Variants in NID1 observed in about 807,000 individuals in gnomAD.
NID1 encodes the protein nidogen-1.
A neutral mutation model predicts 130.6 loss-of-function variants in NID1; 76 were observed. That is an observed-to-expected ratio of 0.58 (90% CI 0.48 to 0.70). The LOEUF is 0.70. Among genes scored for constraint, NID1 ranks in the 30% least tolerant of loss-of-function variants. The pLI is 0.00. For missense variants in NID1, 1,517 were observed against 1,664.8 expected (o/e 0.91, Z 1.54); for synonymous variants, 665 against 675.1 (o/e 0.98, Z 0.23).
chr1:236,015,813 A>C (rs1658579347), intron 10 of NID1, among the ~76,000 whole-genome samples: 1 of 152,018 alleles, frequency 6.6e-6, no homozygotes, highest in South Asian at 2.1e-4. Flanking sequence ...ACAGACGAGG[A>C]ACTGAGCCCC....
chr1:236,028,822 G>GT (rs1171167193), intron 7 of NID1, among the ~76,000 whole-genome samples: 2 of 151,984 alleles, frequency 1.3e-5, no homozygotes, highest in Non-Finnish European at 2.9e-5. Flanking sequence ...CAGTTTTCAC[G>GT]TAAGTTTGAT....
chr1:236,021,464 A>G lies in NID1; in HGVS notation c.2128+2606T>C, dbSNP rs552228415. On this transcript the variant is annotated intron_variant, in intron 9 of 19. Transcript: ENST00000264187. The stretch of plus-strand genomic sequence containing the variant: ...ACACCCTGACAGGCACCTTGCATGA[A>G]AGGTTCACTATGAAGCCAACACCGC... Among the ~76,000 whole-genome samples the G allele has an allele frequency of 2.0e-4, 31 of 152,312 alleles. No individual in the cohort carries two copies. The East Asian group carries it at 6.0e-3, about 29-fold the overall frequency.
At chr1:236,058,935 T>C (rs551135442) in intron 1 of NID1, among the ~76,000 whole-genome samples, 7 of 152,302 alleles carry the variant, frequency 4.6e-5, no homozygotes, top group African/African-American at 1.4e-4. Flanking sequence ...TAATTTAACA[T>C]AAAGAGTGGA....
At chr1:236,024,022 T>A in intron 9 of NID1, 48 bp downstream of exon 9, 1 of 1,606,984 alleles carries the variant, frequency 6.2e-7, no homozygotes, top group Non-Finnish European at 8.5e-7. Flanking sequence ...GGATGCCTCC[T>A]CCTCGCCTGA....
At chr1:236,018,753 A>T (rs1456965509) in intron 9 of NID1, among the ~76,000 whole-genome samples, 1 of 152,224 alleles carries the variant, frequency 6.6e-6, no homozygotes, top group East Asian at 1.9e-4. Context: ...ACAAATTTAG[A>T]CATGTTTTAG....
chr1:236,040,103 G>C (rs1247380023), intron 4 of NID1, among the ~76,000 whole-genome samples: 1 of 152,130 alleles, frequency 6.6e-6, no homozygotes, highest in African/African-American at 2.4e-5. Flanking sequence ...AAATGTGATG[G>C]CTTCACAAAT....
In NID1 at chr1:235,993,648, G is replaced by C; in HGVS notation, c.2752C>G (p.Pro918Ala). 1.9e-6 allele frequency: 3 copies of C among 1,545,312 alleles called. No individual in the cohort carries two copies. Among genetic ancestry groups the C allele is most frequent in the Non-Finnish European group, 2.6e-6 (3 of 1,138,448 alleles). Reference sequence around the variant, plus strand: ...AGCACGGCCTGCACCCACTTACACGGGGGCGTCATCCCGGGCCTGGTCCTG... The same window carrying C: ...AGCACGGCCTGCACCCACTTACACGCGGGCGTCATCCCGGGCCTGGTCCTG... ...GTRTRPGMTP[P>A]CLSTVAPPIH... Residue 918 changes from proline to alanine, a missense_variant, in exon 13 of 20, where the codon CCG becomes GCG. Coordinates refer to ENST00000264187, the MANE Select transcript of NID1 (RefSeq NM_002508.3).
chr1:236,038,057 C>G, intron 5 of NID1, 47 bp downstream of exon 5: 1 of 1,560,320 alleles, frequency 6.4e-7, no homozygotes, highest in Non-Finnish European at 8.7e-7. Context: ...AACAAAAACT[C>G]CGCTCCTCCT....
chr1:235,985,414 AG>A lies in NID1; in HGVS notation c.3019del (p.Leu1007TyrfsTer39). 1 of 1,614,120 alleles carries A rather than the reference AG, an allele frequency of 6.2e-7. No homozygotes were observed. The highest frequency in any genetic ancestry group is 8.5e-7 in the Non-Finnish European group (1 of 1,179,990). On this transcript the variant is annotated frameshift_variant, in exon 15 of 20. Coordinates refer to ENST00000264187, the MANE Select transcript of NID1 (RefSeq NM_002508.3). LOFTEE classifies it high-confidence loss of function. ...ITEPSIGRAS[L>X]HGGEPTTIIR... Reference sequence around the variant, plus strand: ...GATGGTGGTTGGCTCTCCACCATGTAGACTAGCTCTCCCAATGGAAGGCTCA... The same window carrying A: ...GATGGTGGTTGGCTCTCCACCATGTAACTAGCTCTCCCAATGGAAGGCTCA...
rs58901374 is a variant in NID1, at chr1:235,978,371, G to A, written c.3623-383C>T. On this transcript the variant is annotated intron_variant, in intron 19 of 19. Coordinates refer to ENST00000264187, the MANE Select transcript of NID1 (RefSeq NM_002508.3). ...CTGACAGAAGAAGATGAGGGAAGCTGAGAAGGAAAGTGGGTGAGGGGAGAG... is the reference window on the plus strand; with the variant it reads ...CTGACAGAAGAAGATGAGGGAAGCTAAGAAGGAAAGTGGGTGAGGGGAGAG... Among the ~76,000 whole-genome samples, 504 of 152,344 alleles carry A rather than the reference G, an allele frequency of 3.3e-3. 4 individuals are homozygous for A. Among genetic ancestry groups the A allele is most frequent in the African/African-American group, 0.011 (470 of 41,574 alleles).
intron 6 of NID1, among the ~76,000 whole-genome samples, chr1:236,031,268 G>A (rs558268208): frequency 1.3e-3 from 203 of 152,010 alleles, no homozygotes; most frequent in Non-Finnish European, 1.8e-3. Flanking sequence ...GCAGGTGCCC[G>A]CCACCACACC....
At chr1:235,987,828 T>G (rs917170232) in intron 14 of NID1, among the ~76,000 whole-genome samples, 2 of 152,038 alleles carry the variant, frequency 1.3e-5, no homozygotes, top group Non-Finnish European at 2.9e-5. Context: ...AGCACATACT[T>G]CCTCCTCAAG....
chr1:236,005,791 A>G (rs1158730170), intron 12 of NID1, among the ~76,000 whole-genome samples: 2 of 152,236 alleles, frequency 1.3e-5, no homozygotes, highest in Non-Finnish European at 2.9e-5. Flanking sequence ...TAACTTCTGT[A>G]CAGAGCATAG....
At chr1:236,029,431 C>T (rs899433907) in intron 7 of NID1, 119 bp downstream of exon 7, 53 of 918,970 alleles carry the variant, frequency 5.8e-5, no homozygotes, top group African/African-American at 5.4e-4. Context: ...CTGTAAGGCC[C>T]GGTGTATTTC....
At chr1:236,023,372 C>G (rs1407522787) in intron 9 of NID1, among the ~76,000 whole-genome samples, 1 of 152,120 alleles carries the variant, frequency 6.6e-6, no homozygotes, top group Admixed American at 6.6e-5. Flanking sequence ...CACAGAAGAA[C>G]AAATATGATT....
Position 236,050,843 on chromosome 1 carries a change from G to A in NID1, c.226-1854C>T, listed in dbSNP as rs564550168. Among the ~76,000 whole-genome samples the A allele has an allele frequency of 1.6e-4, 24 of 152,280 alleles. No individual in the cohort carries two copies. The South Asian group carries it at 1.7e-3, about 11-fold the overall frequency. On this transcript the variant is annotated intron_variant, in intron 1 of 19. Transcript: ENST00000264187. ...CTGTAATCCCAACACTTTGGGAAGC[G>A]GAGGTGGGTGGATCATTTGAGGCCA...
chr1:236,064,749 C>G (rs1341754026), intron 1 of NID1, 106 bp downstream of exon 1: 1 of 1,030,662 alleles, frequency 9.7e-7, no homozygotes, highest in East Asian at 3.2e-5. Flanking sequence ...CGGCGGCCAG[C>G]GGGTCCGGGT....
rs776405083 is a variant in NID1, at chr1:235,985,449, C to T, written c.2985G>A (p.Thr995=). The part of the protein sequence containing the change: ...FDCVDKMVYW[T]DITEPSIGRA... ...TCCCAATGGAAGGCTCAGTGATGTC[C>T]GTCCAGTAAACCATCTTGTCCACGC... Residue 995 remains threonine (T), a synonymous_variant, in exon 15 of 20, where the codon ACG becomes ACA. Coordinates refer to ENST00000264187, the MANE Select transcript of NID1 (RefSeq NM_002508.3). The T allele has an allele frequency of 1.1e-5, 17 of 1,613,956 alleles. No homozygotes were observed. Among genetic ancestry groups the T allele is most frequent in the African/African-American group, 1.3e-5 (1 of 74,890 alleles).
intron 12 of NID1, among the ~76,000 whole-genome samples, chr1:236,005,231 C>CG (rs59897525): frequency 0.25 from 38,065 of 150,668 alleles, 6,003 homozygotes; most frequent in Non-Finnish European, 0.36. Context: ...CAGATATAGG[C>CG]GGGGGGTGGG....
Sources: allele counts gnomAD v4.1 joint callset (sites outside exome capture counted in the v4.1 genomes callset), GRCh38; gene constraint gnomAD v4.1.1; transcripts MANE v1.5; gene names NCBI Gene and HGNC (gene_info 2026-07-23, HGNC 2026-07-21).